ABR: variants seen among roughly 807,000 people sequenced by gnomAD.
The protein encoded by ABR is active breakpoint cluster region-related protein.
A neutral mutation model predicts 107.2 loss-of-function variants in ABR; 35 were observed. The ratio of observed to expected loss-of-function variants is 0.33; its 90% CI spans 0.25 to 0.43. The LOEUF (loss-of-function observed/expected upper bound fraction) is 0.43. Ranked by LOEUF, ABR falls within the 20% of genes least tolerant of loss-of-function variation. ABR has a pLI of 1.00. For missense variants in ABR, 815 were observed against 1,115.2 expected (o/e 0.73, Z 3.83); for synonymous variants, 498 against 462.0 (o/e 1.08, Z -1.00).
chr17:1,195,535 T>A (rs1242232043), intron 1 of ABR, among the ~76,000 whole-genome samples: 1 of 151,938 alleles, frequency 6.6e-6, no homozygotes, highest in Non-Finnish European at 1.5e-5. Context: ...GGCTGGGCAG[T>A]GGCTCACGCC....
chr17:1,168,148 T>A (rs1289874942), intron 1 of ABR, among the ~76,000 whole-genome samples: 1 of 151,898 alleles, frequency 6.6e-6, no homozygotes, highest in African/African-American at 2.4e-5. Flanking sequence ...TAGCCGGGCA[T>A]GGTGGCGCAC....
rs2151169786 is a variant in ABR at position 1,069,954 on chromosome 17, G to A, written c.1016+15C>T. The A allele has an allele frequency of 6.3e-7, 1 of 1,596,822 alleles. No homozygotes were observed. Among genetic ancestry groups the A allele is most frequent in the Non-Finnish European group, 8.5e-7 (1 of 1,171,210 alleles). On this transcript the variant is annotated intron_variant, in intron 9 of 22. Transcript: ENST00000302538. ...CCCCCTCCCCCGCCCCGTGCCCCTGGACTCACACACTCACCCTGCAGAGGT... is the reference window on the plus strand; with the variant it reads ...CCCCCTCCCCCGCCCCGTGCCCCTGAACTCACACACTCACCCTGCAGAGGT...
At chr17:1,107,936 G>A (rs2038368267) in intron 2 of ABR, among the ~76,000 whole-genome samples, 1 of 152,250 alleles carries the variant, frequency 6.6e-6, no homozygotes, top group Non-Finnish European at 1.5e-5. Flanking sequence ...ACTGTAGAGT[G>A]GGTGGGGCAG....
At chr17:1,016,341 G>A (rs1257085209) in intron 16 of ABR, among the ~76,000 whole-genome samples, 12 of 149,362 alleles carry the variant, frequency 8.0e-5, no homozygotes, top group Non-Finnish European at 1.0e-4. Context: ...TTTTGAGACG[G>A]AGTCTCGCTC....
At chr17:1,108,846 T>G in intron 2 of ABR, 8 of 1,421,482 alleles carry the variant, frequency 5.6e-6, no homozygotes, top group East Asian at 2.9e-5. Flanking sequence ...GGCCGCGCGC[T>G]CTGCGCCCGC....
intron 1 of ABR, among the ~76,000 whole-genome samples, chr17:1,175,902 C>T (rs545990895): frequency 5.7e-4 from 86 of 152,074 alleles, no homozygotes; most frequent in African/African-American, 1.8e-3. Context: ...CCATCCTGGC[C>T]AACACGGTGA....
In ABR at chr17:1,049,867, G is replaced by C. The variant is rs978157475; in HGVS notation, c.1791+183C>G. 4 of 778,956 alleles carry C rather than the reference G, an allele frequency of 5.1e-6. No homozygotes were observed. The South Asian group carries it at 7.1e-5, about 14-fold the overall frequency. The allele number at this position is 778,956 out of a possible 1,614,324, so 48.3% of individuals were successfully genotyped here. The stretch of plus-strand genomic sequence containing the variant: ...CCTGAGGAGCCACGCACACGCCTGG[G>C]CTTCCGGGGCCACAACAGGCAGCCA... On this transcript the variant is annotated intron_variant, in intron 16 of 22. Coordinates refer to ENST00000302538, the MANE Select transcript of ABR (RefSeq NM_021962.5).
intron 3 of ABR, 61 bp downstream of exon 3, chr17:1,100,576 C>T: frequency 3.3e-6 from 5 of 1,507,606 alleles, no homozygotes; most frequent in African/African-American, 1.4e-5. Context: ...AGCTTCAGAG[C>T]ATGACATCAC....
At chr17:1,030,429 G>A (rs949865537) in intron 16 of ABR, among the ~76,000 whole-genome samples, 5 of 152,322 alleles carry the variant, frequency 3.3e-5, no homozygotes, top group African/African-American at 9.6e-5. Flanking sequence ...CCACGCTGCC[G>A]GGCACAGACA....
At chr17:1,215,219 C>CAA (rs71148449) in intron 1 of ABR, among the ~76,000 whole-genome samples, 22 of 135,860 alleles carry the variant, frequency 1.6e-4, no homozygotes, top group African/African-American at 4.6e-4. Context: ...GACTCTGTCT[C>CAA]AAAAAAAAAA....
intron 1 of ABR, among the ~76,000 whole-genome samples, chr17:1,151,053 C>G (rs2040773569): frequency 6.6e-6 from 1 of 152,176 alleles, no homozygotes; most frequent in Non-Finnish European, 1.5e-5. Flanking sequence ...GAATCACAGG[C>G]TCCACCCCTT....
intron 1 of ABR, among the ~76,000 whole-genome samples, chr17:1,179,000 G>GT (rs2042019615): frequency 6.7e-6 from 1 of 149,806 alleles, no homozygotes; most frequent in African/African-American, 2.5e-5. Context: ...ACTCGAGAAG[G>GT]TTTGTTTTTT....
chr17:1,039,458 G>A (rs937199511), intron 16 of ABR: 11 of 152,480 alleles, frequency 7.2e-5, no homozygotes, highest in African/African-American at 1.9e-4. Context: ...AGGCACTCTC[G>A]AGGGACCCTC....
At chr17:1,159,272 T>C (rs1477738762) in intron 1 of ABR, among the ~76,000 whole-genome samples, 1 of 77,716 alleles carries the variant, frequency 1.3e-5, no homozygotes, top group Non-Finnish European at 2.5e-5. Context: ...AATGCGGTAC[T>C]CACACACGGG....
At chr17:1,053,912 C>T (rs2032895049) in intron 14 of ABR, among the ~76,000 whole-genome samples, 1 of 152,158 alleles carries the variant, frequency 6.6e-6, no homozygotes, top group African/African-American at 2.4e-5. Flanking sequence ...CAGCGGCAGC[C>T]CCCAAGAAGG....
upstream of ABR, among the ~76,000 whole-genome samples, chr17:1,188,432 C>A (rs1022830202): frequency 7.2e-5 from 11 of 152,036 alleles, no homozygotes; most frequent in African/African-American, 2.7e-4. Context: ...CGCCTGTAGT[C>A]CCAGCTACTC....
Position 1,072,614 on chromosome 17 carries a change from C to T in ABR, c.894G>A (p.Glu298=). The change falls in exon 8 of 23, where the codon GAG becomes GAA. Residue 298 remains glutamate, a splice_region_variant and synonymous_variant. Coordinates refer to ENST00000302538, the MANE Select transcript of ABR (RefSeq NM_021962.5). The part of the protein sequence containing the change: ...RRTAVTTPKG[E]TRQLVKDGFL... ...GGGCCGTGCCGGGCTCTGAGCTCACCTCCCCCTTGGGCGTTGTCACTGCAG... is the reference window on the plus strand; with the variant it reads ...GGGCCGTGCCGGGCTCTGAGCTCACTTCCCCCTTGGGCGTTGTCACTGCAG... The T allele has an allele frequency of 1.2e-6, 2 of 1,605,044 alleles. No homozygotes were observed. The highest frequency in any genetic ancestry group is 8.5e-7 in the Non-Finnish European group (1 of 1,176,300).
At chr17:1,201,738 T>C (rs915937129) in intron 1 of ABR, among the ~76,000 whole-genome samples, 5 of 151,878 alleles carry the variant, frequency 3.3e-5, no homozygotes, top group African/African-American at 1.2e-4. Flanking sequence ...TGCAGTGGCG[T>C]GATCTCTGGC....
intron 2 of ABR, among the ~76,000 whole-genome samples, chr17:1,121,349 T>G (rs911757955): frequency 6.6e-6 from 1 of 152,238 alleles, no homozygotes; most frequent in African/African-American, 2.4e-5. Context: ...CAGCAGATAT[T>G]GATCAGACTT....
Sources: gnomAD v4.1 joint callset for allele counts (sites outside exome capture counted in the v4.1 genomes callset) on GRCh38, gnomAD v4.1.1 for gene constraint, MANE v1.5 for transcripts, NCBI Gene and HGNC (gene_info 2026-07-23, HGNC 2026-07-21) for gene names.